Variants in PSD3 observed in about 807,000 individuals in gnomAD.
PSD3 encodes PH and SEC7 domain-containing protein 3.
Under a neutral mutation model 105.5 loss-of-function variants are expected in PSD3, and 49 were observed. The observed-to-expected ratio is 0.46, with a 90% CI of 0.37 to 0.59. The LOEUF (loss-of-function observed/expected upper bound fraction) is 0.59, where lower values mean the gene tolerates loss of function less well. Among genes scored for constraint, PSD3 ranks in the 20% least tolerant of loss-of-function variants. PSD3 has a pLI of 0.00. For synonymous variants in PSD3, 557 were observed against 457.8 expected, an observed-to-expected ratio of 1.22 and a Z score of -2.77; for missense variants, 1,561 against 1,263.8, an observed-to-expected ratio of 1.24 and a Z score of -3.57.
intron 1 of PSD3, chr8:18,979,724 G>C (rs1314244779): frequency 1.6e-5 from 3 of 187,158 alleles, no homozygotes; most frequent in African/African-American, 2.4e-5. Context: ...AACACCACAA[G>C]AGTCTCTGGC....
chr8:18,676,789 C>G (rs990582807), intron 9 of PSD3, among the ~76,000 whole-genome samples: 4 of 152,348 alleles, frequency 2.6e-5, no homozygotes, highest in African/African-American at 9.6e-5. Context: ...ACCAGCTTCC[C>G]CCTGCTGCTT....
At chr8:18,991,640 A>C (rs1198375314) in intron 1 of PSD3, among the ~76,000 whole-genome samples, 1 of 152,202 alleles carries the variant, frequency 6.6e-6, no homozygotes, top group Non-Finnish European at 1.5e-5. Flanking sequence ...CATGCAAAAC[A>C]AACAGTGTTA....
chr8:18,794,065 A>C (rs1810001215), intron 8 of PSD3, among the ~76,000 whole-genome samples: 1 of 41,994 alleles, frequency 2.4e-5, no homozygotes, highest in African/African-American at 6.2e-5. Context: ...AGATTCTGTT[A>C]ATCTATAACC....
At chr8:19,031,482 G>T (rs1827767730) in intron 1 of PSD3, among the ~76,000 whole-genome samples, 2 of 152,134 alleles carry the variant, frequency 1.3e-5, no homozygotes, top group South Asian at 4.1e-4. Flanking sequence ...GTACTATACG[G>T]TAAATGCAAA....
intron 10 of PSD3, among the ~76,000 whole-genome samples, chr8:18,645,588 A>G (rs981227680): frequency 1.3e-5 from 2 of 152,206 alleles, no homozygotes; most frequent in African/African-American, 4.8e-5. Flanking sequence ...ATTGTCTTGT[A>G]AGTTTGTTAT....
intron 9 of PSD3, among the ~76,000 whole-genome samples, chr8:18,676,510 G>C (rs1383567323): frequency 6.6e-6 from 1 of 152,124 alleles, no homozygotes; most frequent in Non-Finnish European, 1.5e-5. Flanking sequence ...GTTTAAATAT[G>C]TTTCACTTAG....
chr8:18,540,517 C>A (rs547219790), intron 15 of PSD3, among the ~76,000 whole-genome samples: 2 of 152,186 alleles, frequency 1.3e-5, no homozygotes, highest in East Asian at 3.9e-4. Context: ...AAGCTTTGCT[C>A]CTTCACTCTT....
At chr8:18,797,610 T>C (rs1810304337) in intron 8 of PSD3, among the ~76,000 whole-genome samples, 1 of 152,182 alleles carries the variant, frequency 6.6e-6, no homozygotes, top group South Asian at 2.1e-4. Flanking sequence ...TATTGGTTGC[T>C]ACATTTCAAG....
chr8:18,764,142 G>T (rs937319832), intron 9 of PSD3, among the ~76,000 whole-genome samples: 1 of 152,052 alleles, frequency 6.6e-6, no homozygotes, highest in Non-Finnish European at 1.5e-5. Flanking sequence ...AATTCTAAAA[G>T]CTTCACTATG....
intron 2 of PSD3, among the ~76,000 whole-genome samples, chr8:18,910,213 A>G (rs1820118589): frequency 6.6e-6 from 1 of 150,552 alleles, no homozygotes; most frequent in Admixed American, 6.7e-5. Context: ...CACTATTCAC[A>G]ATAGCAAAGA....
At chr8:18,588,709 G>A in intron 12 of PSD3, among the ~76,000 whole-genome samples, 1 of 152,196 alleles carries the variant, frequency 6.6e-6, no homozygotes, top group East Asian at 1.9e-4. Context: ...TCTAATCCAA[G>A]CTGATGCTGA....
intron 1 of PSD3, among the ~76,000 whole-genome samples, chr8:18,988,605 C>A (rs925856025): frequency 7.4e-6 from 1 of 135,614 alleles, no homozygotes; most frequent in Non-Finnish European, 1.7e-5. Context: ...CTCACCCAAC[C>A]CCCAATGCCA....
intron 2 of PSD3, among the ~76,000 whole-genome samples, chr8:18,912,366 T>G (rs760698776): frequency 3.3e-5 from 5 of 152,158 alleles, no homozygotes; most frequent in Non-Finnish European, 5.9e-5. Flanking sequence ...TACTGAAAAG[T>G]GTTGCAGGTT....
At chr8:18,830,833 A>G (rs2129450346) in intron 4 of PSD3, among the ~76,000 whole-genome samples, 1 of 152,266 alleles carries the variant, frequency 6.6e-6, no homozygotes, top group East Asian at 1.9e-4. Flanking sequence ...TTTCAACCTA[A>G]ACCATCTATG....
chr8:18,718,133 C>A (rs1802719220), intron 9 of PSD3, among the ~76,000 whole-genome samples: 1 of 152,202 alleles, frequency 6.6e-6, no homozygotes, highest in Admixed American at 6.5e-5. Flanking sequence ...TATCTTACCT[C>A]CTGGAGCAGC....
At chr8:19,084,100 A>C (rs573490130) in intron 1 of PSD3, 1 of 364,204 alleles carries the variant, frequency 2.7e-6, no homozygotes, top group African/African-American at 2.1e-5. Flanking sequence ...GGTGTGGCCC[A>C]TCTAAGCAGA....
At chr8:18,761,010 T>C (rs1248570117) in intron 9 of PSD3, among the ~76,000 whole-genome samples, 1 of 152,208 alleles carries the variant, frequency 6.6e-6, no homozygotes, top group Non-Finnish European at 1.5e-5. Flanking sequence ...TGAACTAGTT[T>C]GCTTCCTCAA....
intron 1 of PSD3, among the ~76,000 whole-genome samples, chr8:18,987,726 A>G (rs995114779): frequency 5.3e-5 from 8 of 152,232 alleles, no homozygotes; most frequent in Middle Eastern, 3.4e-3. Flanking sequence ...GGCTGAGGTG[A>G]GAGAATCACC....
At chr8:18,839,594 G>T (rs949617383) in intron 4 of PSD3, among the ~76,000 whole-genome samples, 1 of 152,158 alleles carries the variant, frequency 6.6e-6, no homozygotes, top group Non-Finnish European at 1.5e-5. Context: ...TTCTGCAAAT[G>T]TAAGCAGGAA....
Sources: allele counts gnomAD v4.1 joint callset (sites outside exome capture counted in the v4.1 genomes callset), GRCh38; gene constraint gnomAD v4.1.1; transcripts MANE v1.5; gene names NCBI Gene and HGNC (gene_info 2026-07-23, HGNC 2026-07-21).